Variants in MKX observed in about 807,000 individuals in gnomAD.
The protein encoded by MKX is mohawk homeobox, also known as homeobox protein Mohawk.
MKX carries 13 observed loss-of-function variants against 36.0 expected under a neutral mutation model. The observed-to-expected ratio is 0.36, with a 90% confidence interval of 0.24 to 0.57. The LOEUF (loss-of-function observed/expected upper bound fraction) is 0.57. MKX is among the 20% of genes least tolerant of loss of function. The pLI is 0.79. For synonymous variants in MKX, 176 were observed against 178.3 expected, an observed-to-expected ratio of 0.99 and a Z score of 0.10; for missense variants, 458 against 456.4, an observed-to-expected ratio of 1.00 and a Z score of -0.03.
chr10:27,729,995 A>G (rs1239351908), intron 5 of MKX, among the ~76,000 whole-genome samples: 2 of 152,010 alleles, frequency 1.3e-5, no homozygotes, highest in African/African-American at 4.8e-5. Flanking sequence ...AGGCTTGGAC[A>G]TCAGTTTGTA....
intron 5 of MKX, among the ~76,000 whole-genome samples, chr10:27,698,002 GA>G (rs1221384285): frequency 6.6e-6 from 1 of 152,198 alleles, no homozygotes; most frequent in Non-Finnish European, 1.5e-5. Context: ...CCAAGACATG[GA>G]AAAGATTGGA....
chr10:27,684,356 A>C (rs191655493), intron 5 of MKX, among the ~76,000 whole-genome samples: 23 of 152,260 alleles, frequency 1.5e-4, no homozygotes. Flanking sequence ...ACACACACAC[A>C]CATATATAAA....
Position 27,724,739 on chromosome 10 carries a change from T to C in MKX, c.838+9717A>G, listed in dbSNP as rs1398935581. Among the ~76,000 whole-genome samples the C allele has an allele frequency of 2.1e-5, 3 of 144,082 alleles. No homozygotes were observed. In the Admixed American group the frequency reaches 2.2e-4, roughly 10 times the overall value. The allele number at this position is 144,082 out of a possible 152,430, so 94.5% of individuals were successfully genotyped here. ...TTTTTCCAACTATGTTCGATTTCTA[T>C]TACTGCTACTACTACCTACACACAC... On this transcript the variant is annotated intron_variant, in intron 5 of 6. Transcript: ENST00000419761.
intron 5 of MKX, among the ~76,000 whole-genome samples, chr10:27,708,406 C>G (rs1053090403): frequency 6.6e-6 from 1 of 152,052 alleles, no homozygotes; most frequent in African/African-American, 2.4e-5. Flanking sequence ...ATTTATTCAT[C>G]TATACATTTT....
intron 5 of MKX, among the ~76,000 whole-genome samples, chr10:27,697,873 C>G (rs569510566): frequency 6.8e-4 from 104 of 152,248 alleles, no homozygotes; most frequent in African/African-American, 2.4e-3. Context: ...GAAAATTGCT[C>G]TAAAGAAGAT....
rs892608644 is a variant in MKX at position 27,734,353 on chromosome 10, T to A, written c.838+103A>T. On this transcript the variant is annotated intron_variant, in intron 5 of 6. Transcript: ENST00000419761. ...AACTGAATTATGGGCAATATGTGAA[T>A]AATCTGATGTCTTTATACCTGTTAA... 11 of 1,046,264 alleles carry A rather than the reference T, an allele frequency of 1.1e-5. No individual in the cohort carries two copies. In the African/African-American group the frequency reaches 1.1e-4, roughly 11 times the overall value. The allele number at this position is 1,046,264 out of a possible 1,614,324, so 64.8% of individuals were successfully genotyped here. A position where few individuals can be genotyped will look rare whatever the true frequency, so the allele number is the denominator to read the frequency against.
In MKX at chr10:27,724,791, A is replaced by ACACACC. The variant is rs775804611; in HGVS notation, c.838+9664_838+9665insGGTGTG. Among the ~76,000 whole-genome samples, 634 of 147,862 alleles carry ACACACC rather than the reference A, an allele frequency of 4.3e-3. 6 individuals are homozygous for ACACACC. The highest frequency in any genetic ancestry group is 0.015 in the African/African-American group (591 of 39,866). On this transcript the variant is annotated intron_variant, in intron 5 of 6. Transcript: ENST00000419761. Reference sequence around the variant, plus strand: ...CACACACACACACACACACACACACACCCCGCAGAAACCTTTGGCCACCAG... The same window carrying ACACACC: ...CACACACACACACACACACACACACACACACCCCCCGCAGAAACCTTTGGCCACCAG...
Position 27,684,327 on chromosome 10 carries a change from A to AAT in MKX, c.839-8775_839-8774dup, listed in dbSNP as rs1554769265. Among the ~76,000 whole-genome samples the AAT allele has an allele frequency of 7.3e-5, 11 of 151,548 alleles. No individual in the cohort carries two copies. The East Asian group carries it at 7.8e-4, about 11-fold the overall frequency. On this transcript the variant is annotated intron_variant, in intron 5 of 6. Coordinates refer to ENST00000419761, the MANE Select transcript of MKX (RefSeq NM_173576.3). ...GAAACCCTGTCTCAAAAAAGAAAAA[A>AAT]ATATATATATATACAAACACACACA...
At chr10:27,729,025 T>G (rs1020186937) in intron 5 of MKX, among the ~76,000 whole-genome samples, 13 of 152,198 alleles carry the variant, frequency 8.5e-5, no homozygotes, top group Non-Finnish European at 1.8e-4. Flanking sequence ...CTTTTTTCTC[T>G]CAATCAAAAT....
chr10:27,689,483 G>C (rs572061329), intron 5 of MKX, among the ~76,000 whole-genome samples: 322 of 152,194 alleles, frequency 2.1e-3, no homozygotes, highest in Non-Finnish European at 3.4e-3. Flanking sequence ...TTTAATTTAG[G>C]AACAGTATTT....
intron 5 of MKX, among the ~76,000 whole-genome samples, chr10:27,701,526 CT>C (rs1325974502): frequency 1.4e-5 from 2 of 141,262 alleles, no homozygotes; most frequent in African/African-American, 5.2e-5. Flanking sequence ...TATTTAATAT[CT>C]TTGTATGTTT....
rs759771110 is a variant in MKX, at chr10:27,743,348, C to T, written c.68G>A (p.Arg23Gln). ...GCTGTAGGGCCGGCCACCCCGCTCC[C>T]GCTCCGAGGCGCCTCCGTCCTCAAA... is the stretch of plus-strand genomic sequence containing the variant. ...VLFEDGGASE[R>Q]ERGGRPYSGV... Residue 23 changes from arginine (R) to glutamine (Q), a missense_variant, in exon 2 of 7, where the codon CGG becomes CAG. This residue lies in a region of MKX where 149 missense variants were observed against 114.3 expected (regional missense o/e 1.30). Coordinates refer to ENST00000419761, the MANE Select transcript of MKX (RefSeq NM_173576.3). The T allele has an allele frequency of 7.0e-6, 11 of 1,581,144 alleles. No homozygotes were observed. The highest frequency in any genetic ancestry group is 9.4e-6 in the Non-Finnish European group (11 of 1,166,340).
chr10:27,711,480 T>TC (rs201821975), intron 5 of MKX, among the ~76,000 whole-genome samples: 24 of 5,962 alleles, frequency 4.0e-3, no homozygotes, highest in East Asian at 6.1e-3. Flanking sequence ...TCTTTCTTTC[T>TC]TTCTCTCTCT....
At chr10:27,708,033 T>C (rs1836787109) in intron 5 of MKX, among the ~76,000 whole-genome samples, 1 of 152,136 alleles carries the variant, frequency 6.6e-6, no homozygotes, top group Admixed American at 6.5e-5. Flanking sequence ...ATGGTAACCT[T>C]TATACATTTT....
chr10:27,714,837 T>C (rs764729012), intron 5 of MKX, among the ~76,000 whole-genome samples: 1 of 152,238 alleles, frequency 6.6e-6, no homozygotes. Context: ...CCTTTTGTTT[T>C]TGGAATGTAT....
chr10:27,675,654 G>A (rs1460325427), intron 5 of MKX, 100 bp from the exon 6 acceptor site: 1 of 1,194,858 alleles, frequency 8.4e-7, no homozygotes, highest in Non-Finnish European at 1.2e-6. Flanking sequence ...AGTTCTTCAG[G>A]AAATATGGTT....
intron 5 of MKX, among the ~76,000 whole-genome samples, chr10:27,679,992 G>A (rs1198710138): frequency 6.6e-6 from 1 of 152,038 alleles, no homozygotes; most frequent in Non-Finnish European, 1.5e-5. Context: ...GCTGACAGGT[G>A]GTCTCACCGG....
At chr10:27,701,522 A>C in intron 5 of MKX, among the ~76,000 whole-genome samples, 1 of 145,674 alleles carries the variant, frequency 6.9e-6, no homozygotes, top group South Asian at 2.1e-4. Flanking sequence ...ATTATATTTA[A>C]TATCTTTGTA....
At chr10:27,678,235 A>T (rs1358074372) in intron 5 of MKX, among the ~76,000 whole-genome samples, 1 of 152,220 alleles carries the variant, frequency 6.6e-6, no homozygotes, top group Non-Finnish European at 1.5e-5. Context: ...AGAACAGAGA[A>T]CAAGTCAAGG....
Sources: allele counts gnomAD v4.1 joint callset (sites outside exome capture counted in the v4.1 genomes callset), GRCh38; gene constraint gnomAD v4.1.1; regional missense constraint gnomAD v4.1.1; transcripts MANE v1.5; gene names NCBI Gene and HGNC (gene_info 2026-07-23, HGNC 2026-07-21).